The following CBFA2T3 variants were observed in gnomAD, a reference collection of about 807,000 sequenced individuals.
CBFA2T3 encodes CBFA2/RUNX1 partner transcriptional co-repressor 3.
In CBFA2T3, 31 loss-of-function variants were observed where a neutral mutation model predicts 58.6. That is an observed-to-expected ratio of 0.53 (90% CI 0.40 to 0.71). The LOEUF is 0.71. Ranked by LOEUF, CBFA2T3 falls within the 30% of genes least tolerant of loss-of-function variation. The pLI is 0.00. For missense variants in CBFA2T3, 1,076 were observed against 963.1 expected, an observed-to-expected ratio of 1.12 and a Z score of -1.55; for synonymous variants, 531 against 421.9, an observed-to-expected ratio of 1.26 and a Z score of -3.17.
intron 1 of CBFA2T3, among the ~76,000 whole-genome samples, chr16:88,921,337 G>A (rs184479218): frequency 6.0e-5 from 9 of 149,320 alleles, no homozygotes; most frequent in African/African-American, 1.9e-4. Flanking sequence ...AAGGATGGGC[G>A]GGGGGAGCAG....
At chr16:88,927,201 G>A (rs753553287) in intron 1 of CBFA2T3, among the ~76,000 whole-genome samples, 3 of 152,228 alleles carry the variant, frequency 2.0e-5, no homozygotes, top group Admixed American at 6.5e-5. Context: ...CGCCTAACGA[G>A]TTGGGTCAGA....
chr16:88,953,519 G>A lies in CBFA2T3; in HGVS notation c.151+23138C>T, dbSNP rs1427777449. ...GCCGCCCACTCTTGGGACCCTGAGT[G>A]TGGGGAGGCTGGGGTTGAGCAGTGG... On this transcript the variant is annotated intron_variant, in intron 1 of 11. Coordinates refer to ENST00000268679, the MANE Select transcript of CBFA2T3 (RefSeq NM_005187.6). The surrounding 1 kb of genome is among the most constrained non-coding windows in gnomAD (Gnocchi z 4.9). 2.2e-5 allele frequency among the ~76,000 whole-genome samples: 3 copies of A among 138,556 alleles called. No homozygotes were observed. Among genetic ancestry groups the A allele is most frequent in the Non-Finnish European group, 4.5e-5 (3 of 66,710 alleles). The allele number at this position is 138,556 out of a possible 152,430, so 90.9% of individuals were successfully genotyped here.
rs1434079685 is a variant in CBFA2T3, at chr16:88,886,056, C to T, written c.798G>A (p.Glu266=). Residue 266 remains glutamate, a synonymous_variant, in exon 6 of 12, where the codon GAG becomes GAA. Transcript: ENST00000268679. ...AGGCGCTGGCGTCCAGCAGGAGCTG[C>T]TCATGCTGGGCCAAGTACTGGGCGG... ...QTPAQYLAQH[E]QLLLDASASS... is the part of the protein sequence containing the mutation. 6 of 1,587,730 alleles carry T rather than the reference C, an allele frequency of 3.8e-6. No individual in the cohort carries two copies. Among genetic ancestry groups the T allele is most frequent in the African/African-American group, 2.7e-5 (2 of 74,804 alleles).
At chr16:88,878,828 C>T (rs1456151950) in intron 11 of CBFA2T3, among the ~76,000 whole-genome samples, 1 of 152,202 alleles carries the variant, frequency 6.6e-6, no homozygotes, top group East Asian at 1.9e-4. Context: ...CGCCTGTAAT[C>T]CCAGCTACTT....
intron 1 of CBFA2T3, among the ~76,000 whole-genome samples, chr16:88,905,179 A>C (rs1026330830): frequency 5.5e-4 from 83 of 152,156 alleles, no homozygotes; most frequent in African/African-American, 1.9e-3. Context: ...GCACAGCAGC[A>C]GCTGGCGCCG....
chr16:88,894,225 TGC>T (rs1969774191), intron 3 of CBFA2T3, among the ~76,000 whole-genome samples: 2 of 109,764 alleles, frequency 1.8e-5, no homozygotes, highest in Non-Finnish European at 3.7e-5. Flanking sequence ...CACGCACACA[TGC>T]ACACACACAT....
Position 88,885,177 on chromosome 16 carries a change from G to A in CBFA2T3, c.986C>T (p.Pro329Leu), listed in dbSNP as rs1234695339. 4 of 1,603,802 alleles carry A rather than the reference G, an allele frequency of 2.5e-6. No homozygotes were observed. The East Asian group carries it at 9.0e-5, about 36-fold the overall frequency. The change falls in exon 7 of 12, where the codon CCC (proline) becomes CTC (leucine). Residue 329 changes from proline (P) to leucine (L), a missense_variant. Transcript: ENST00000268679. The surrounding 1 kb of genome is among the most constrained non-coding windows in gnomAD (Gnocchi z 5.3). ...CTLNPAQRYS[P>L]SNGPPQPTPP... ...TGTGGGCTGCGGTGGCCCGTTGCTG[G>A]GGCTGTAGCGCTGGGCAGGGTTCAG... is the stretch of plus-strand genomic sequence containing the variant.
At chr16:88,959,663 C>T (rs1373392007) in intron 1 of CBFA2T3, among the ~76,000 whole-genome samples, 2 of 152,174 alleles carry the variant, frequency 1.3e-5, no homozygotes, top group African/African-American at 2.4e-5. Context: ...TCCTTCCTCC[C>T]AGCAGCTGGG....
chr16:88,898,835 C>T (rs371787511), intron 2 of CBFA2T3, among the ~76,000 whole-genome samples: 19 of 152,160 alleles, frequency 1.2e-4, no homozygotes, highest in African/African-American at 3.6e-4. Flanking sequence ...CCAGCCTGGG[C>T]GACGTAGGGA....
At chr16:88,912,441 A>G (rs113456154) in intron 1 of CBFA2T3, among the ~76,000 whole-genome samples, 12,904 of 152,194 alleles carry the variant, frequency 0.085, 1,212 homozygotes, top group African/African-American at 0.23. Context: ...CTTGGCTCCT[A>G]CTGGAATACT....
chr16:88,913,396 T>G (rs992743525), intron 1 of CBFA2T3, among the ~76,000 whole-genome samples: 3 of 152,168 alleles, frequency 2.0e-5, no homozygotes, highest in African/African-American at 7.2e-5. Flanking sequence ...CAAAGAAGGG[T>G]GGTTGCTTTG....
chr16:88,946,136 C>T (rs529066210), intron 1 of CBFA2T3, among the ~76,000 whole-genome samples: 4 of 152,044 alleles, frequency 2.6e-5, no homozygotes, highest in Non-Finnish European at 4.4e-5. Context: ...GGCAAAACCT[C>T]GTCTCTACTA....
chr16:88,881,830 G>A (rs538162972), intron 8 of CBFA2T3, among the ~76,000 whole-genome samples: 107 of 152,372 alleles, frequency 7.0e-4, no homozygotes, highest in Non-Finnish European at 1.3e-3. Flanking sequence ...GGCGAGGGGC[G>A]AGGCTGACAA....
At chr16:88,920,248 A>C (rs890163695) in intron 1 of CBFA2T3, among the ~76,000 whole-genome samples, 2 of 152,196 alleles carry the variant, frequency 1.3e-5, no homozygotes, top group Non-Finnish European at 2.9e-5. Context: ...CTTGAAAGGA[A>C]GCCCTATGAG....
chr16:88,951,730 A>G (rs958118619), intron 1 of CBFA2T3, among the ~76,000 whole-genome samples: 2 of 152,120 alleles, frequency 1.3e-5, no homozygotes, highest in Non-Finnish European at 2.9e-5. Flanking sequence ...GCCAATCACA[A>G]TCCTTCCCTG....
At position 88,947,059 on chromosome 16, in the gene CBFA2T3, C is replaced by G. The variant is rs374776093; in HGVS notation, c.151+29598G>C. On this transcript the variant is annotated intron_variant, in intron 1 of 11. Transcript: ENST00000268679. The stretch of plus-strand genomic sequence containing the variant: ...TGTCTAGACACATAGAATGTAACAC[C>G]AAGAGAGAAGCCCAATGTAAACTAT... 2.0e-4 allele frequency among the ~76,000 whole-genome samples: 31 copies of G among 152,130 alleles called. 2 individuals carry two copies. The highest frequency in any genetic ancestry group is 1.7e-3 in the Admixed American group (26 of 15,268).
rs558456276 is a variant in CBFA2T3, at chr16:88,961,925, C to G, written c.151+14732G>C. Among the ~76,000 whole-genome samples, 515 of 148,640 alleles carry G rather than the reference C, an allele frequency of 3.5e-3. 4 individuals carry two copies. Among genetic ancestry groups the G allele is most frequent in the African/African-American group, 0.012 (467 of 40,222 alleles). On this transcript the variant is annotated intron_variant, in intron 1 of 11. Transcript: ENST00000268679. ...AACCGACCCTCAGTGCTGGGCATTC[C>G]CACTCCATAGTAACCGACACTCAGC...
chr16:88,920,114 C>T (rs115928318), intron 1 of CBFA2T3, among the ~76,000 whole-genome samples: 3,187 of 152,210 alleles, frequency 0.021, 120 homozygotes, highest in African/African-American at 0.071. Flanking sequence ...GGTGTGCGCC[C>T]GAGGCCTGCC....
chr16:88,934,216 G>A (rs1054863432), intron 1 of CBFA2T3, among the ~76,000 whole-genome samples: 1 of 151,176 alleles, frequency 6.6e-6, no homozygotes, highest in Non-Finnish European at 1.5e-5. Context: ...AGGCACCGGC[G>A]AGAAGGGCTG....
Sources: allele counts gnomAD v4.1 joint callset (sites outside exome capture counted in the v4.1 genomes callset), GRCh38; gene constraint gnomAD v4.1.1; non-coding constraint Gnocchi (gnomAD v3.1); transcripts MANE v1.5; gene names NCBI Gene and HGNC (gene_info 2026-07-23, HGNC 2026-07-21).